Variants in PTGER3 observed in about 807,000 individuals in gnomAD.
The protein encoded by PTGER3 is prostaglandin E2 receptor EP3 subtype.
PTGER3 carries 22 observed loss-of-function variants against 34.7 expected under a neutral mutation model. That is an observed-to-expected ratio of 0.63 (90% CI 0.45 to 0.91). The LOEUF is 0.91. Ranked by LOEUF, PTGER3 falls within the 40% of genes least tolerant of loss-of-function variation. The pLI is 0.00. For synonymous variants in PTGER3, 241 were observed against 230.1 expected (o/e 1.05, Z -0.43); for missense variants, 468 against 519.4 (o/e 0.90, Z 0.96).
chr1:70,943,836 G>A (rs1266886999), intron 4 of PTGER3, among the ~76,000 whole-genome samples: 1 of 115,460 alleles, frequency 8.7e-6, no homozygotes, highest in Non-Finnish European at 1.9e-5. Context: ...GATGTGAAAA[G>A]GGAGAGAGAG....
intron 4 of PTGER3, among the ~76,000 whole-genome samples, chr1:70,937,336 C>A (rs1235851725): frequency 6.6e-6 from 1 of 152,050 alleles, no homozygotes; most frequent in Non-Finnish European, 1.5e-5. Context: ...TCCCAATAAA[C>A]CATTTAATGG....
chr1:71,012,443 C>T lies in PTGER3; in HGVS notation c.939G>A (p.Glu313=), dbSNP rs1572928399. The T allele has an allele frequency of 1.2e-6, 2 of 1,613,854 alleles. No individual in the cohort carries two copies. Among genetic ancestry groups the T allele is most frequent in the African/African-American group, 1.3e-5 (1 of 74,922 alleles). ...GCTTCTCCGTGTGTGTCTTGCAGTG[C>T]TCAACTGATGTCTGATTGAAGATCA... ...LKMIFNQTSV[E]HCKTHTEKQK... Residue 313 remains glutamate, a synonymous_variant, in exon 2 of 4, where the codon GAG becomes GAA. Coordinates refer to ENST00000306666, the MANE Select transcript of PTGER3 (RefSeq NM_198719.2).
Position 70,984,071 on chromosome 1 carries a change from C to T in PTGER3, c.1078-9683G>A, listed in dbSNP as rs148046001. Reference sequence around the variant, plus strand: ...TGTGACTATCTGCTATGTTGCTAATCGACACAAATAGTAACATTATTAAAG... The same window carrying T: ...TGTGACTATCTGCTATGTTGCTAATTGACACAAATAGTAACATTATTAAAG... On this transcript the variant is annotated intron_variant, in intron 2 of 3. Coordinates refer to ENST00000306666, the MANE Select transcript of PTGER3 (RefSeq NM_198719.2). Among the ~76,000 whole-genome samples the T allele has an allele frequency of 3.2e-4, 49 of 152,158 alleles. 1 individual carries two copies. Among genetic ancestry groups the T allele is most frequent in the East Asian group, 1.7e-3 (9 of 5,184 alleles).
intron 2 of PTGER3, among the ~76,000 whole-genome samples, chr1:70,963,724 C>T (rs759920219): frequency 6.6e-6 from 1 of 152,246 alleles, no homozygotes; most frequent in South Asian, 2.1e-4. Flanking sequence ...GATGGAGGGG[C>T]TACCAGGAAG....
intron 2 of PTGER3, among the ~76,000 whole-genome samples, chr1:70,965,282 AG>A (rs959567334): frequency 9.9e-5 from 15 of 152,280 alleles, no homozygotes; most frequent in African/African-American, 3.4e-4. Context: ...AAGAAAAAAA[AG>A]CAGATTTTCA....
chr1:70,901,123 T>A (rs1646829458), intron 4 of PTGER3, among the ~76,000 whole-genome samples: 1 of 152,150 alleles, frequency 6.6e-6, no homozygotes, highest in Non-Finnish European at 1.5e-5. Context: ...GAGATCTCAT[T>A]CTGAGTTTAG....
intron 4 of PTGER3, chr1:70,869,442 T>C: frequency 2.9e-6 from 1 of 345,356 alleles, no homozygotes; most frequent in South Asian, 2.2e-5. Flanking sequence ...AATACAGTCA[T>C]GACTTCTCAA....
intron 4 of PTGER3, among the ~76,000 whole-genome samples, chr1:70,860,565 T>C (rs192028260): frequency 2.0e-4 from 31 of 152,342 alleles, no homozygotes; most frequent in African/African-American, 7.0e-4. Context: ...GTTTTGTTTT[T>C]TAGTTAGAAG....
downstream of PTGER3, among the ~76,000 whole-genome samples, chr1:70,949,545 A>G (rs1420874432): frequency 1.3e-5 from 2 of 152,202 alleles, no homozygotes; most frequent in Non-Finnish European, 2.9e-5. Context: ...GGTAAAGGTC[A>G]TGATGGATTT....
At chr1:70,917,403 TTGTGTGTGTGTGTGTG>T (rs59163586) in intron 4 of PTGER3, among the ~76,000 whole-genome samples, 2 of 136,378 alleles carry the variant, frequency 1.5e-5, no homozygotes, top group Non-Finnish European at 3.1e-5. Flanking sequence ...GTATTTTATT[TTGTGTGTGTGTGTGTG>T]TGTGTGTGTG....
Position 71,047,568 on chromosome 1 carries a change from T to A in PTGER3, c.10A>T (p.Thr4Ser). Residue 4 changes from threonine to serine, a missense_variant, in exon 1 of 4, where the codon ACC (threonine) becomes TCC (serine). This residue lies in a region of PTGER3 where 151 missense variants were observed against 133.5 expected (regional missense o/e 1.13). Transcript: ENST00000306666. ...GGGGCATCCCCTCCGTAGCCCCGGG[T>A]CTCCTTCATGTTGGCTTCGAGGTGA... MKE[T>S]RGYGGDAPFC... The A allele has an allele frequency of 6.5e-7, 1 of 1,548,224 alleles. No individual in the cohort carries two copies. Among genetic ancestry groups the A allele is most frequent in the Non-Finnish European group, 8.8e-7 (1 of 1,142,586 alleles).
At chr1:70,898,743 C>A (rs889925031) in intron 4 of PTGER3, among the ~76,000 whole-genome samples, 3 of 152,014 alleles carry the variant, frequency 2.0e-5, no homozygotes, top group Non-Finnish European at 4.4e-5. Context: ...TTTTTTGAGG[C>A]TTAAGTAAGT....
downstream of PTGER3, among the ~76,000 whole-genome samples, chr1:70,948,155 G>C (rs1465558589): frequency 6.6e-6 from 1 of 152,034 alleles, no homozygotes; most frequent in Non-Finnish European, 1.5e-5. Context: ...GAGCCTTTGA[G>C]ATTTATACGT....
chr1:70,935,483 C>T (rs965275146), intron 4 of PTGER3, among the ~76,000 whole-genome samples: 16 of 151,780 alleles, frequency 1.1e-4, no homozygotes, highest in Admixed American at 1.1e-3. Context: ...GAGAGTCTAC[C>T]TAAATTGCTC....
intron 4 of PTGER3, among the ~76,000 whole-genome samples, chr1:70,945,526 G>A (rs1650145961): frequency 6.6e-6 from 1 of 151,968 alleles, no homozygotes; most frequent in African/African-American, 2.4e-5. Context: ...AACCTAATAG[G>A]ACTTGATTTG....
chr1:71,018,717 G>A (rs148095495), intron 1 of PTGER3, among the ~76,000 whole-genome samples: 42 of 152,088 alleles, frequency 2.8e-4, no homozygotes, highest in Admixed American at 3.9e-4. Flanking sequence ...AAAATGATAC[G>A]TCAGTCATTT....
chr1:70,885,548 A>G (rs1340553094), intron 4 of PTGER3, among the ~76,000 whole-genome samples: 4 of 152,226 alleles, frequency 2.6e-5, no homozygotes, highest in African/African-American at 7.2e-5. Flanking sequence ...GATACAAAAT[A>G]TAAGTGGAGA....
chr1:70,869,198 T>G (rs758834543), intron 4 of PTGER3: 29 of 446,532 alleles, frequency 6.5e-5, no homozygotes, highest in Non-Finnish European at 1.8e-5. Context: ...GGGGCAGGGG[T>G]GGTATCACAC....
intron 4 of PTGER3, among the ~76,000 whole-genome samples, chr1:70,947,046 G>C (rs1415432474): frequency 6.6e-6 from 1 of 152,112 alleles, no homozygotes; most frequent in Non-Finnish European, 1.5e-5. Flanking sequence ...CCTCAGCACT[G>C]TGTTCTTGGG....
Sources: allele counts gnomAD v4.1 joint callset (sites outside exome capture counted in the v4.1 genomes callset), GRCh38; gene constraint gnomAD v4.1.1; regional missense constraint gnomAD v4.1.1; transcripts MANE v1.5; gene names NCBI Gene and HGNC (gene_info 2026-07-23, HGNC 2026-07-21).